MLH3: variants seen among roughly 807,000 people sequenced by gnomAD.
The protein encoded by MLH3 is DNA mismatch repair protein Mlh3.
A neutral mutation model predicts 122.2 loss-of-function variants in MLH3; 82 were observed. The ratio of observed to expected loss-of-function variants is 0.67; its 90% CI spans 0.56 to 0.81. The LOEUF (loss-of-function observed/expected upper bound fraction) is 0.81, where lower values mean the gene tolerates loss of function less well. Ranked by LOEUF, MLH3 falls within the 30% of genes least tolerant of loss-of-function variation. The pLI, the probability that MLH3 is intolerant of heterozygous loss-of-function variation, is 0.00. For synonymous variants in MLH3, 524 were observed against 599.5 expected (o/e 0.87, Z 1.84); for missense variants, 1,539 against 1,714.5 (o/e 0.90, Z 1.81).
intron 12 of MLH3, 75 bp downstream of exon 12, chr14:75,018,754 G>A (rs1345773890): frequency 1.2e-5 from 18 of 1,526,578 alleles, no homozygotes; most frequent in Middle Eastern, 1.7e-4. Flanking sequence ...ACAGATTACA[G>A]TTGCATAGTA....
chr14:75,041,577 G>GAAGA, intron 4 of MLH3, 38 bp downstream of exon 4: 1 of 1,258,426 alleles, frequency 7.9e-7, no homozygotes, highest in Non-Finnish European at 1.1e-6. Context: ...AGAAGAAGAA[G>GAAGA]AAAAAAAAAA....
rs5809692 is a variant in MLH3, at chr14:75,037,056, G to GAA, written c.3643+1282_3643+1283dup. Among the ~76,000 whole-genome samples the GAA allele has an allele frequency of 4.6e-3, 686 of 148,776 alleles. 4 individuals carry two copies. Among genetic ancestry groups the GAA allele is most frequent in the Non-Finnish European group, 7.9e-3 (531 of 67,100 alleles). On this transcript the variant is annotated intron_variant, in intron 6 of 12. Transcript: ENST00000355774. ...CATCAAAATACAAATGATAAAAAAT[G>GAA]AAAAAAAAAAGCTTTCAATGGTTTC...
chr14:75,046,353 G>A lies in MLH3; in HGVS notation c.3280+23C>T, dbSNP rs775276728. Reference sequence around the variant, plus strand: ...ATTCCCATCTTCAAAAGCATCTCATGCACATGAATACTACGTACTTACCAT... The same window carrying A: ...ATTCCCATCTTCAAAAGCATCTCATACACATGAATACTACGTACTTACCAT... On this transcript the variant is annotated intron_variant, in intron 2 of 12. Coordinates refer to ENST00000355774, the MANE Select transcript of MLH3 (RefSeq NM_001040108.2). 2.4e-5 allele frequency: 39 copies of A among 1,612,894 alleles called. No homozygotes were observed. In the Admixed American group the frequency reaches 6.2e-4, roughly 26 times the overall value.
intron 9 of MLH3, among the ~76,000 whole-genome samples, chr14:75,027,582 C>T (rs1178252716): frequency 7.1e-6 from 1 of 141,838 alleles, no homozygotes; most frequent in Non-Finnish European, 1.5e-5. Flanking sequence ...ACTAAAATAA[C>T]TTCTATTTAT....
chr14:75,028,180 C>A (rs761835935), intron 9 of MLH3, among the ~76,000 whole-genome samples: 4 of 152,056 alleles, frequency 2.6e-5, no homozygotes, highest in Non-Finnish European at 4.4e-5. Context: ...AATGCCACAG[C>A]CCAGCAGTAG....
chr14:75,024,253 G>A (rs770554806), intron 9 of MLH3, among the ~76,000 whole-genome samples: 76 of 152,194 alleles, frequency 5.0e-4, no homozygotes, highest in Admixed American at 1.6e-3. Context: ...CCAGGCTGGA[G>A]TGCAATGGCA....
chr14:75,043,951 T>G (rs1892042010), intron 2 of MLH3, among the ~76,000 whole-genome samples: 1 of 152,110 alleles, frequency 6.6e-6, no homozygotes, highest in South Asian at 2.1e-4. Context: ...TAGCCAGGCA[T>G]GGTGGCGCAT....
rs28756995 is a variant in MLH3, at chr14:75,046,106, G to C, written c.3280+270C>G. ...GAGGCAGGAGAATCGCTTGAACCAG[G>C]GGGGCAGAGGTTGCAGTGAGCTGAG... is the stretch of plus-strand genomic sequence containing the variant. On this transcript the variant is annotated intron_variant, in intron 2 of 12. Transcript: ENST00000355774. 3.6e-3 allele frequency among the ~76,000 whole-genome samples: 539 copies of C among 151,626 alleles called. 4 individuals are homozygous for C. Among genetic ancestry groups the C allele is most frequent in the Non-Finnish European group, 6.3e-3 (428 of 67,892 alleles).
At chr14:75,042,325 G>T in intron 3 of MLH3, 54 bp downstream of exon 3, 1 of 1,480,324 alleles carries the variant, frequency 6.8e-7, no homozygotes. Flanking sequence ...TTTGTTTTTT[G>T]AGTTAGGTGG....
intron 9 of MLH3, among the ~76,000 whole-genome samples, chr14:75,025,109 C>T (rs920542768): frequency 3.3e-5 from 5 of 152,224 alleles, no homozygotes; most frequent in East Asian, 3.8e-4. Context: ...AACCTGCTTA[C>T]GTCTTTTTTG....
rs1230387926 is a variant in MLH3, at chr14:75,049,373, C to T, written c.283G>A (p.Glu95Lys). The T allele has an allele frequency of 1.9e-6, 3 of 1,613,952 alleles. No individual in the cohort carries two copies. Among genetic ancestry groups the T allele is most frequent in the Non-Finnish European group, 2.5e-6 (3 of 1,180,040 alleles). The change falls in exon 2 of 13, where the codon GAG becomes AAG. Residue 95 changes from glutamate to lysine, a missense_variant. Transcript: ENST00000355774. ...ENPRFYGFRG[E>K]ALANIADMAS... Reference sequence around the variant, plus strand: ...ATGTCAGCAATATTTGCCAAGGCCTCTCCTCGGAAACCATAAAACCTTGGA... The same window carrying T: ...ATGTCAGCAATATTTGCCAAGGCCTTTCCTCGGAAACCATAAAACCTTGGA...
chr14:75,050,925 G>A (rs1286885338), intron 1 of MLH3: 1 of 152,156 alleles, frequency 6.6e-6, no homozygotes, highest in Non-Finnish European at 1.5e-5. Flanking sequence ...GGCCCCTGCA[G>A]GCGGTGGGGC....
At chr14:75,032,683 T>C (rs752588249) in intron 7 of MLH3, among the ~76,000 whole-genome samples, 26 of 151,662 alleles carry the variant, frequency 1.7e-4, no homozygotes, top group Non-Finnish European at 2.9e-4. Flanking sequence ...GTGAAAACAG[T>C]AGTAATATCA....
intron 9 of MLH3, among the ~76,000 whole-genome samples, chr14:75,027,864 G>A (rs1211485448): frequency 6.6e-6 from 1 of 151,788 alleles, no homozygotes; most frequent in Non-Finnish European, 1.5e-5. Flanking sequence ...ATGGGAGGAG[G>A]GTGATGGGAG....
At position 75,032,155 on chromosome 14, in the gene MLH3, T is replaced by C. The variant is rs909033868; in HGVS notation, c.3740A>G (p.Gln1247Arg). The C allele has an allele frequency of 6.2e-7, 1 of 1,613,052 alleles. No individual in the cohort carries two copies. The highest frequency in any genetic ancestry group is 8.5e-7 in the Non-Finnish European group (1 of 1,179,014). The change falls in exon 8 of 13, where the codon CAA (glutamine) becomes CGA (arginine). Residue 1247 changes from glutamine to arginine, a missense_variant. Physicochemically the swap from Gln to Arg is conservative, Grantham distance 43. Coordinates refer to ENST00000355774, the MANE Select transcript of MLH3 (RefSeq NM_001040108.2). ...CAGTAATTTTTTCCGACCAGAGCCT[T>C]GTGCCTGTTGCTTCTCGTAGGAATC... ...IIDSYEKQQAQGSGRKKLLSS... is the reference protein window; with the variant it reads ...IIDSYEKQQARGSGRKKLLSS...
At chr14:75,031,813 C>T (rs1891068291) in intron 8 of MLH3, among the ~76,000 whole-genome samples, 1 of 152,090 alleles carries the variant, frequency 6.6e-6, no homozygotes. Flanking sequence ...GACCATGTCT[C>T]ACAAAATAAA....
At chr14:75,042,515 A>T in intron 2 of MLH3, 38 bp from the exon 3 acceptor site, 1 of 1,481,994 alleles carries the variant, frequency 6.7e-7, no homozygotes, top group Non-Finnish European at 9.4e-7. Context: ...ATGTGAACTT[A>T]AAATACAAGT....
chr14:75,047,824 T>A lies in MLH3; in HGVS notation c.1832A>T (p.His611Leu). 6.2e-7 allele frequency: 1 copy of A among 1,613,916 alleles called. No individual in the cohort carries two copies. The highest frequency in any genetic ancestry group is 8.5e-7 in the Non-Finnish European group (1 of 1,179,950). ...VKLCSTGFIT[H>L]VVQNEKTKST... is the part of the protein sequence containing the mutation. ...TTTAGTTTTTTCATTTTGTACTACA[T>A]GAGTTATAAAGCCAGTGGAACATAA... The change falls in exon 2 of 13, where the codon CAT becomes CTT. Residue 611 changes from histidine to leucine, a missense_variant. Physicochemically the swap from His to Leu is moderately conservative, Grantham distance 99. Coordinates refer to ENST00000355774, the MANE Select transcript of MLH3 (RefSeq NM_001040108.2).
chr14:75,047,597 G>C lies in MLH3; in HGVS notation c.2059C>G (p.Pro687Ala), dbSNP rs1892340309. Residue 687 changes from proline (P) to alanine (A), a missense_variant, in exon 2 of 13, where the codon CCT becomes GCT. Transcript: ENST00000355774. The stretch of plus-strand genomic sequence containing the variant: ...GAAAACATTGTATAAGTTGCTGTAG[G>C]TTCATTCTCTAGCCCATAACTTATA... ...TNISYGLENE[P>A]TATYTMFSAF... is the part of the protein sequence containing the mutation. The C allele has an allele frequency of 1.2e-6, 2 of 1,613,984 alleles. No homozygotes were observed. Among genetic ancestry groups the C allele is most frequent in the Non-Finnish European group, 1.7e-6 (2 of 1,179,980 alleles).
Sources: gnomAD v4.1 joint callset for allele counts (sites outside exome capture counted in the v4.1 genomes callset) on GRCh38, gnomAD v4.1.1 for gene constraint, MANE v1.5 for transcripts, NCBI Gene and HGNC (gene_info 2026-07-23, HGNC 2026-07-21) for gene names.